CNIH3: variants seen among roughly 807,000 people sequenced by gnomAD.
The protein encoded by CNIH3 is protein cornichon homolog 3.
A neutral mutation model predicts 24.1 loss-of-function variants in CNIH3; 14 were observed. The ratio of observed to expected loss-of-function variants is 0.58; its 90% CI spans 0.38 to 0.91. The LOEUF (loss-of-function observed/expected upper bound fraction) is 0.91, where lower values mean the gene tolerates loss of function less well. CNIH3 is among the 40% of genes least tolerant of loss of function. The pLI is 0.00. For synonymous variants in CNIH3, 68 were observed against 73.8 expected (o/e 0.92, Z 0.40); for missense variants, 178 against 196.8 (o/e 0.90, Z 0.57).
chr1:224,606,005 G>C (rs1288198788), intron 3 of CNIH3, among the ~76,000 whole-genome samples: 1 of 152,166 alleles, frequency 6.6e-6, no homozygotes, highest in Non-Finnish European at 1.5e-5. Context: ...CGTTTACTCA[G>C]CTCACAGCTC....
At position 224,702,071 on chromosome 1, in the gene CNIH3, C is replaced by T. The variant is rs573470916; in HGVS notation, c.198+17228C>T. ...TTAGATAGACAAATACATGTATGCA[C>T]AGATATACACTCCAGCTCAGTTTTT... On this transcript the variant is annotated intron_variant, in intron 3 of 5. Transcript: ENST00000272133. 2.7e-5 allele frequency among the ~76,000 whole-genome samples: 4 copies of T among 147,758 alleles called. No homozygotes were observed. In the South Asian group the frequency reaches 6.8e-4, roughly 25 times the overall value.
intron 1 of CNIH3, among the ~76,000 whole-genome samples, chr1:224,519,570 C>T (rs868579521): frequency 8.0e-5 from 12 of 150,722 alleles, no homozygotes; most frequent in Admixed American, 4.0e-4. Flanking sequence ...TTTATGTGTG[C>T]GTGTACATAT....
intron 4 of CNIH3, 22 bp from the exon 5 acceptor site, chr1:224,734,541 A>G (rs767682629): frequency 6.2e-7 from 1 of 1,612,564 alleles, no homozygotes; most frequent in Middle Eastern, 1.7e-4. Context: ...CTCAGAGACA[A>G]TGATGTCCTC....
intron 1 of CNIH3, among the ~76,000 whole-genome samples, chr1:224,507,501 G>A (rs1355079681): frequency 6.6e-6 from 1 of 152,164 alleles, no homozygotes; most frequent in Non-Finnish European, 1.5e-5. Flanking sequence ...TCTATTTAAT[G>A]TTTGCCAAAT....
chr1:224,652,007 G>A (rs1442508108), intron 1 of CNIH3, among the ~76,000 whole-genome samples: 3 of 152,028 alleles, frequency 2.0e-5, no homozygotes, highest in Non-Finnish European at 4.4e-5. Context: ...CAATCCATTA[G>A]GTGTAAAATG....
chr1:224,678,731 T>A (rs1686255755), intron 1 of CNIH3, among the ~76,000 whole-genome samples: 1 of 151,976 alleles, frequency 6.6e-6, no homozygotes, highest in Non-Finnish European at 1.5e-5. Flanking sequence ...GTGTAATAGC[T>A]ACTAGATAGA....
intron 3 of CNIH3, among the ~76,000 whole-genome samples, chr1:224,722,088 C>T (rs889173127): frequency 1.4e-4 from 21 of 151,276 alleles, no homozygotes; most frequent in African/African-American, 5.1e-4. Flanking sequence ...GCTCAGGACC[C>T]TCATGATGTG....
chr1:224,581,765 A>C (rs1681283268), intron 4 of CNIH3, among the ~76,000 whole-genome samples: 1 of 152,200 alleles, frequency 6.6e-6, no homozygotes, highest in Non-Finnish European at 1.5e-5. Context: ...AAGATGATTT[A>C]AGGTCAAATT....
intron 3 of CNIH3, among the ~76,000 whole-genome samples, chr1:224,718,674 G>A (rs1688558297): frequency 6.6e-6 from 1 of 152,122 alleles, no homozygotes; most frequent in South Asian, 2.1e-4. Context: ...CGGGGGATGA[G>A]AGGAGGAGGA....
downstream of CNIH3, among the ~76,000 whole-genome samples, chr1:224,592,201 G>A (rs1681790479): frequency 6.6e-6 from 1 of 151,968 alleles, no homozygotes; most frequent in African/African-American, 2.4e-5. Flanking sequence ...TGCACAGACA[G>A]ATCTTTATAA....
intron 5 of CNIH3, among the ~76,000 whole-genome samples, chr1:224,584,434 G>A (rs960067826): frequency 5.3e-5 from 8 of 152,138 alleles, no homozygotes; most frequent in African/African-American, 1.9e-4. Flanking sequence ...TTGTTTGGGG[G>A]CTAGAAAAAT....
chr1:224,664,036 A>G (rs970833022), intron 1 of CNIH3, among the ~76,000 whole-genome samples: 3 of 152,220 alleles, frequency 2.0e-5, no homozygotes, highest in Admixed American at 2.0e-4. Flanking sequence ...CAGGGAAGAA[A>G]GCTTTATTTG....
At chr1:224,554,716 T>C (rs1020082070) in intron 3 of CNIH3, among the ~76,000 whole-genome samples, 7 of 151,990 alleles carry the variant, frequency 4.6e-5, no homozygotes, top group Non-Finnish European at 1.0e-4. Flanking sequence ...CTTGAGTAGG[T>C]GGAACTACAG....
At chr1:224,446,212 G>GTTTTTTTTTTTTTTTTT in intron 1 of CNIH3, among the ~76,000 whole-genome samples, 1 of 108,896 alleles carries the variant, frequency 9.2e-6, no homozygotes, top group Non-Finnish European at 1.9e-5. Context: ...TTTCAACTTT[G>GTTTTTTTTTTTTTTTTT]TTTTTTTTTT....
chr1:224,585,341 C>T (rs1190807723), intron 5 of CNIH3, among the ~76,000 whole-genome samples: 1 of 152,210 alleles, frequency 6.6e-6, no homozygotes, highest in Non-Finnish European at 1.5e-5. Flanking sequence ...ATATGCCAGG[C>T]ACTGTGCTGA....
At chr1:224,718,999 A>C (rs1688577026) in intron 3 of CNIH3, 1 of 152,200 alleles carries the variant, frequency 6.6e-6, no homozygotes, top group Non-Finnish European at 1.5e-5. Context: ...GGTCTCTCCC[A>C]TCAGCCTGGG....
intron 1 of CNIH3, among the ~76,000 whole-genome samples, chr1:224,502,157 C>A (rs933521581): frequency 6.6e-6 from 1 of 152,090 alleles, no homozygotes; most frequent in African/African-American, 2.4e-5. Flanking sequence ...GAGAGTGAAG[C>A]CCTGGTTTTC....
chr1:224,478,382 G>C (rs1676668860), intron 1 of CNIH3, among the ~76,000 whole-genome samples: 1 of 151,978 alleles, frequency 6.6e-6, no homozygotes. Flanking sequence ...TTTTCAAATA[G>C]CTTCTTCTCA....
At chr1:224,497,306 G>T (rs1677476562) in intron 1 of CNIH3, among the ~76,000 whole-genome samples, 2 of 152,156 alleles carry the variant, frequency 1.3e-5, no homozygotes, top group Non-Finnish European at 1.5e-5. Flanking sequence ...GGTGATGTTT[G>T]CACAACATAG....
Sources: gnomAD v4.1 joint callset for allele counts (sites outside exome capture counted in the v4.1 genomes callset) on GRCh38, gnomAD v4.1.1 for gene constraint, MANE v1.5 for transcripts, NCBI Gene and HGNC (gene_info 2026-07-23, HGNC 2026-07-21) for gene names.